Variants in IL1RAPL1 observed in about 807,000 individuals in gnomAD.
IL1RAPL1 encodes interleukin-1 receptor accessory protein-like 1.
A neutral mutation model predicts 48.4 loss-of-function variants in IL1RAPL1; 3 were observed. The ratio of observed to expected loss-of-function variants is 0.06; its 90% CI spans 0.03 to 0.16. The LOEUF (loss-of-function observed/expected upper bound fraction) is 0.16. Ranked by LOEUF, IL1RAPL1 falls within the 10% of genes least tolerant of loss-of-function variation. The pLI is 1.00. For missense variants in IL1RAPL1, 349 were observed against 530.6 expected, an observed-to-expected ratio of 0.66 and a Z score of 3.36; for synonymous variants, 185 against 187.7, an observed-to-expected ratio of 0.99 and a Z score of 0.12.
chrX:28,616,852 C>T (rs754347004), intron 1 of IL1RAPL1, among the ~76,000 whole-genome samples: 1 of 111,903 alleles, frequency 8.9e-6, no homozygotes, highest in African/African-American at 3.2e-5. Context: ...ACAATTGCAG[C>T]AAAAAAGGAG....
At chrX:28,913,286 A>G (rs1010860416) in intron 2 of IL1RAPL1, among the ~76,000 whole-genome samples, 3 of 112,131 alleles carry the variant, frequency 2.7e-5, no homozygotes, top group African/African-American at 9.7e-5. Context: ...CATTCTGTCT[A>G]TCCTTGTAAA....
chrX:29,116,370 T>G (rs893421490), intron 2 of IL1RAPL1, among the ~76,000 whole-genome samples: 1 of 110,715 alleles, frequency 9.0e-6, no homozygotes, highest in South Asian at 3.8e-4. Flanking sequence ...ACCCGGGAAC[T>G]TGGTACAATG....
chrX:29,602,701 T>C lies in IL1RAPL1; in HGVS notation c.704-65729T>C, dbSNP rs751736969. On this transcript the variant is annotated intron_variant, in intron 5 of 10. Transcript: ENST00000378993. ...CTTTGGCACATTAAGGTTTCTTTAA[T>C]ATTTCCCAGGCTATCTTAAAGACTT... Among the ~76,000 whole-genome samples, 8 of 112,784 alleles carry C rather than the reference T, an allele frequency of 7.1e-5. No individual in the cohort carries two copies. The East Asian group carries it at 2.2e-3, about 32-fold the overall frequency.
intron 2 of IL1RAPL1, among the ~76,000 whole-genome samples, chrX:29,193,781 A>T (rs375161045): frequency 8.1e-5 from 9 of 111,652 alleles, no homozygotes. Context: ...AAATTCCAAT[A>T]AAAACTGGCA....
intron 5 of IL1RAPL1, among the ~76,000 whole-genome samples, chrX:29,553,802 A>G (rs1404767296): frequency 1.8e-5 from 2 of 111,329 alleles, no homozygotes; most frequent in African/African-American, 6.5e-5. Context: ...TCTTAGAGGT[A>G]AAGTACAGAT....
intron 2 of IL1RAPL1, among the ~76,000 whole-genome samples, chrX:29,128,058 G>C (rs1387318831): frequency 1.8e-5 from 2 of 110,558 alleles, no homozygotes; most frequent in Non-Finnish European, 3.8e-5. Context: ...ATTTTCATGA[G>C]GAGCATATTT....
At chrX:28,930,665 G>A (rs1923855685) in intron 2 of IL1RAPL1, among the ~76,000 whole-genome samples, 2 of 110,916 alleles carry the variant, frequency 1.8e-5, no homozygotes, top group Non-Finnish European at 3.8e-5. Flanking sequence ...TTTTTGAGAC[G>A]GAGTCTCACT....
At chrX:29,367,112 A>C (rs1223117885) in intron 3 of IL1RAPL1, among the ~76,000 whole-genome samples, 1 of 111,594 alleles carries the variant, frequency 9.0e-6, no homozygotes, top group Non-Finnish European at 1.9e-5. Flanking sequence ...AGCAAATATA[A>C]TCAAAGTTAT....
chrX:28,821,844 C>A (rs1936940676), intron 2 of IL1RAPL1, among the ~76,000 whole-genome samples: 3 of 111,186 alleles, frequency 2.7e-5, no homozygotes, highest in African/African-American at 9.8e-5. Flanking sequence ...GAAACAAAAT[C>A]TAAATCAAAT....
intron 5 of IL1RAPL1, among the ~76,000 whole-genome samples, chrX:29,662,094 AG>A (rs919449596): frequency 3.0e-4 from 34 of 111,704 alleles, no homozygotes; most frequent in Admixed American, 3.0e-3. Flanking sequence ...ATAAAACCCA[AG>A]TCCTTTCCAT....
intron 3 of IL1RAPL1, among the ~76,000 whole-genome samples, chrX:29,317,450 G>A (rs1012950322): frequency 8.0e-5 from 9 of 111,987 alleles, no homozygotes; most frequent in African/African-American, 2.9e-4. Context: ...ATGAACGTTG[G>A]TTGGAAAATA....
At chrX:29,401,572 T>G (rs1034668501) in intron 5 of IL1RAPL1, among the ~76,000 whole-genome samples, 3 of 110,897 alleles carry the variant, frequency 2.7e-5, no homozygotes, top group Admixed American at 9.6e-5. Flanking sequence ...CTGTTTTTTA[T>G]CTTGGTTTTC....
chrX:28,744,754 T>C (rs1390834607), intron 1 of IL1RAPL1, among the ~76,000 whole-genome samples: 1 of 111,460 alleles, frequency 9.0e-6, no homozygotes, highest in Non-Finnish European at 1.9e-5. Context: ...TATAAAGTAA[T>C]GATCAGTTCT....
At chrX:29,000,066 A>C (rs1207271996) in intron 2 of IL1RAPL1, among the ~76,000 whole-genome samples, 1 of 111,288 alleles carries the variant, frequency 9.0e-6, no homozygotes, top group Non-Finnish European at 1.9e-5. Context: ...AAGATAGCAG[A>C]AATTAGTGTG....
intron 6 of IL1RAPL1, among the ~76,000 whole-genome samples, chrX:29,818,422 C>T (rs1396693606): frequency 2.7e-5 from 3 of 110,615 alleles, no homozygotes; most frequent in Admixed American, 9.5e-5. Context: ...CCCTTTCATC[C>T]CTCTTCTATA....
chrX:28,717,454 A>G (rs1236718860), intron 1 of IL1RAPL1, among the ~76,000 whole-genome samples: 1 of 111,362 alleles, frequency 9.0e-6, no homozygotes, highest in African/African-American at 3.3e-5. Flanking sequence ...TTGAGAACCC[A>G]TAAGACACAT....
chrX:28,679,611 A>C (rs2146918978), intron 1 of IL1RAPL1, among the ~76,000 whole-genome samples: 1 of 111,703 alleles, frequency 9.0e-6, no homozygotes, highest in African/African-American at 3.2e-5. Context: ...TTAAATATTT[A>C]ACCACTTTGA....
At chrX:28,714,560 A>G (rs1002033029) in intron 1 of IL1RAPL1, among the ~76,000 whole-genome samples, 1 of 112,204 alleles carries the variant, frequency 8.9e-6, no homozygotes, top group Admixed American at 9.5e-5. Flanking sequence ...ACTCATGCAC[A>G]TGCTAAACTG....
chrX:29,416,286 C>T (rs1167583734), intron 5 of IL1RAPL1, among the ~76,000 whole-genome samples: 2 of 111,416 alleles, frequency 1.8e-5, no homozygotes, highest in Non-Finnish European at 3.8e-5. Context: ...GGCTCACTCA[C>T]GACTGTAATC....
Sources: gnomAD v4.1 joint callset for allele counts (sites outside exome capture counted in the v4.1 genomes callset) on GRCh38, gnomAD v4.1.1 for gene constraint, MANE v1.5 for transcripts, NCBI Gene and HGNC (gene_info 2026-07-23, HGNC 2026-07-21) for gene names.